The following HSD17B12 variants were observed in gnomAD, a reference collection of about 807,000 sequenced individuals.
HSD17B12 encodes the protein hydroxysteroid 17-beta dehydrogenase 12.
Under a neutral mutation model 39.3 loss-of-function variants are expected in HSD17B12, and 32 were observed. That is an observed-to-expected ratio of 0.81 (90% CI 0.61 to 1.09). HSD17B12 has a LOEUF of 1.09. Ranked by LOEUF, HSD17B12 falls within the 50% of genes least tolerant of loss-of-function variation. HSD17B12 has a pLI of 0.00. For missense variants in HSD17B12, 342 were observed against 382.9 expected (o/e 0.89, Z 0.89); for synonymous variants, 150 against 146.7 (o/e 1.02, Z -0.16).
At chr11:43,762,178 G>GA (rs34145449) in intron 3 of HSD17B12, among the ~76,000 whole-genome samples, 51,157 of 151,682 alleles carry the variant, frequency 0.34, 9,893 homozygotes, top group East Asian at 0.68. Flanking sequence ...AAATTAAGAA[G>GA]AAAAAAAAGA....
chr11:43,723,625 T>C (rs751907692), intron 1 of HSD17B12, among the ~76,000 whole-genome samples: 5 of 152,216 alleles, frequency 3.3e-5, no homozygotes. Context: ...ATGTATATTA[T>C]ATAGAGAACA....
At chr11:43,677,945 C>A (rs537685522), upstream of HSD17B12, among the ~76,000 whole-genome samples, 1 of 152,282 alleles carries the variant, frequency 6.6e-6, no homozygotes, top group East Asian at 1.9e-4. Flanking sequence ...TGGGTATATA[C>A]CCAGTAATGG....
At chr11:43,635,763 G>A in the HSD17B12 span, among the ~76,000 whole-genome samples, 7 of 141,384 alleles carry the variant, frequency 5.0e-5, no homozygotes, top group Non-Finnish European at 1.1e-4. Context: ...AATGATCTTT[G>A]GAATTACCAG....
chr11:43,749,487 T>C, intron 1 of HSD17B12, among the ~76,000 whole-genome samples: 1 of 152,090 alleles, frequency 6.6e-6, no homozygotes, highest in Non-Finnish European at 1.5e-5. Flanking sequence ...AGTGAAATAA[T>C]GTTTTTACTT....
chr11:43,708,108 T>TG (rs1211635861), intron 1 of HSD17B12, among the ~76,000 whole-genome samples: 2 of 152,176 alleles, frequency 1.3e-5, no homozygotes, highest in African/African-American at 4.8e-5. Flanking sequence ...CGTATGAATT[T>TG]GGGGGGATGC....
intron 1 of HSD17B12, among the ~76,000 whole-genome samples, chr11:43,687,453 G>A (rs1157570831): frequency 6.6e-6 from 1 of 152,244 alleles, no homozygotes; most frequent in African/African-American, 2.4e-5. Context: ...GGTCCTATGA[G>A]AATTTGTGAG....
chr11:43,852,567 T>C (rs1448127144), intron 9 of HSD17B12: 1 of 152,144 alleles, frequency 6.6e-6, no homozygotes, highest in East Asian at 1.9e-4. Flanking sequence ...TATTTACATA[T>C]ACTCTTTCTT....
At chr11:43,734,512 G>A (rs532109107) in intron 1 of HSD17B12, 129 of 611,850 alleles carry the variant, frequency 2.1e-4, no homozygotes, top group Non-Finnish European at 3.0e-4. Flanking sequence ...TCTCGCTCTC[G>A]GAATATCACC....
At chr11:43,580,080 G>C in the HSD17B12 span, among the ~76,000 whole-genome samples, 1 of 151,574 alleles carries the variant, frequency 6.6e-6, no homozygotes, top group East Asian at 2.0e-4. Flanking sequence ...GGGGGGGAGG[G>C]GCAGGAGAGG....
intron 1 of HSD17B12, among the ~76,000 whole-genome samples, chr11:43,710,949 C>T (rs976622702): frequency 4.6e-5 from 7 of 152,134 alleles, no homozygotes; most frequent in Non-Finnish European, 8.8e-5. Flanking sequence ...TGCGCCACCA[C>T]GCCTGGCTAA....
intron 1 of HSD17B12, among the ~76,000 whole-genome samples, chr11:43,727,907 T>C (rs531394134): frequency 7.9e-5 from 12 of 152,174 alleles, no homozygotes; most frequent in Middle Eastern, 3.4e-3. Context: ...GTAGAGTAGG[T>C]TTGGTGCTTT....
At chr11:43,757,657 A>AAAAC (rs1950521172) in intron 3 of HSD17B12, among the ~76,000 whole-genome samples, 2 of 143,784 alleles carry the variant, frequency 1.4e-5, no homozygotes, top group Non-Finnish European at 3.0e-5. Context: ...AAAAAAAAAA[A>AAAAC]AAAAAAAAAA....
At chr11:43,842,760 A>G (rs1185702062) in intron 9 of HSD17B12, among the ~76,000 whole-genome samples, 1 of 152,216 alleles carries the variant, frequency 6.6e-6, no homozygotes, top group African/African-American at 2.4e-5. Context: ...GTAAACACCT[A>G]TTGCGACTAG....
At chr11:43,656,988 G>A in the HSD17B12 span, among the ~76,000 whole-genome samples, 2 of 152,070 alleles carry the variant, frequency 1.3e-5, no homozygotes, top group South Asian at 2.1e-4. Context: ...TCTGTCTAAT[G>A]TTGACAGTGG....
At chr11:43,752,981 A>C (rs779764888) in intron 2 of HSD17B12, among the ~76,000 whole-genome samples, 1 of 152,178 alleles carries the variant, frequency 6.6e-6, no homozygotes, top group African/African-American at 2.4e-5. Flanking sequence ...TTTAGGATTT[A>C]AGACTGGAAT....
the HSD17B12 span, among the ~76,000 whole-genome samples, chr11:43,576,937 C>G: frequency 1.3e-5 from 2 of 152,110 alleles, no homozygotes; most frequent in South Asian, 4.1e-4. Context: ...CCCCTCCCCT[C>G]CCCATTTTCT....
At chr11:43,773,546 G>A (rs935083133) in intron 3 of HSD17B12, among the ~76,000 whole-genome samples, 1 of 152,086 alleles carries the variant, frequency 6.6e-6, no homozygotes, top group Non-Finnish European at 1.5e-5. Flanking sequence ...GCCTAAAATC[G>A]ACTTTGTTTC....
At chr11:43,854,902 G>A (rs1776352711) in intron 10 of HSD17B12, 38 bp downstream of exon 10, 6 of 1,604,534 alleles carry the variant, frequency 3.7e-6, no homozygotes, top group Middle Eastern at 3.3e-4. Context: ...AATACTTTCT[G>A]GCTTGGGGTT....
At chr11:43,714,225 T>C (rs1950098773) in intron 1 of HSD17B12, among the ~76,000 whole-genome samples, 1 of 152,246 alleles carries the variant, frequency 6.6e-6, no homozygotes, top group Admixed American at 6.5e-5. Flanking sequence ...TGGTATTGCC[T>C]AGGTTTTCTT....
Sources: gnomAD v4.1 joint callset for allele counts (sites outside exome capture counted in the v4.1 genomes callset) on GRCh38, gnomAD v4.1.1 for gene constraint, MANE v1.5 for transcripts, NCBI Gene and HGNC (gene_info 2026-07-23, HGNC 2026-07-21) for gene names.